The following ARHGAP25 variants were observed in gnomAD, a reference collection of about 807,000 sequenced individuals.
The protein encoded by ARHGAP25 is rho GTPase-activating protein 25.
ARHGAP25 carries 34 observed loss-of-function variants against 71.0 expected under a neutral mutation model. The ratio of observed to expected loss-of-function variants is 0.48; its 90% confidence interval spans 0.36 to 0.64. ARHGAP25 has a LOEUF of 0.64. Ranked by LOEUF, ARHGAP25 falls within the 30% of genes least tolerant of loss-of-function variation. The pLI, the probability that ARHGAP25 is intolerant of heterozygous loss-of-function variation, is 0.00. For missense variants in ARHGAP25, 706 were observed against 805.1 expected, an observed-to-expected ratio of 0.88 and a Z score of 1.49; for synonymous variants, 282 against 296.5, an observed-to-expected ratio of 0.95 and a Z score of 0.50.
At chr2:68,812,764 A>G (rs1196981950) in intron 5 of ARHGAP25, among the ~76,000 whole-genome samples, 1 of 152,194 alleles carries the variant, frequency 6.6e-6, no homozygotes, top group Non-Finnish European at 1.5e-5. Flanking sequence ...CTGAAATCCC[A>G]GTGCTTGACA....
At chr2:68,797,150 G>A (rs903048984) in intron 4 of ARHGAP25, among the ~76,000 whole-genome samples, 1 of 152,180 alleles carries the variant, frequency 6.6e-6, no homozygotes, top group African/African-American at 2.4e-5. Context: ...GCAAAGTTGG[G>A]CAGAGCTGGA....
intron 5 of ARHGAP25, among the ~76,000 whole-genome samples, chr2:68,810,237 A>T (rs1680686546): frequency 1.3e-5 from 2 of 152,218 alleles, no homozygotes; most frequent in South Asian, 4.1e-4. Context: ...TAGACATCTG[A>T]GTTAGCCCTA....
Position 68,734,835 on chromosome 2 carries a change from A to G in ARHGAP25, c.-365A>G. On this transcript the variant is annotated 5_prime_UTR_variant, in exon 1 of 11. Coordinates refer to ENST00000409202, the MANE Select transcript of ARHGAP25 (RefSeq NM_001007231.3). ...CAGTTGTTTATCACGACCTCAACTCAGTAAGGCCTGAGATTCTTTCGAAAA... is the reference window on the plus strand; with the variant it reads ...CAGTTGTTTATCACGACCTCAACTCGGTAAGGCCTGAGATTCTTTCGAAAA... 3.4e-6 allele frequency: 1 copy of G among 290,016 alleles called. No individual in the cohort carries two copies. The highest frequency in any genetic ancestry group is 6.5e-6 in the Non-Finnish European group (1 of 153,454). 18.0% of individuals were successfully genotyped at this position (290,016 alleles called of 1,614,324 possible).
At chr2:68,819,502 C>T in intron 9 of ARHGAP25, 183 bp downstream of exon 9, 1 of 727,004 alleles carries the variant, frequency 1.4e-6, no homozygotes, top group Non-Finnish European at 2.5e-6. Flanking sequence ...AATCTAGTTT[C>T]TATTGGCATC....
chr2:68,731,328 C>T (rs1378544889), upstream of ARHGAP25, among the ~76,000 whole-genome samples: 1 of 152,108 alleles, frequency 6.6e-6, no homozygotes, highest in Admixed American at 6.5e-5. Flanking sequence ...TTGGGTGCCT[C>T]TTTTTTCTGC....
chr2:68,755,514 C>T (rs1217219032), intron 1 of ARHGAP25, among the ~76,000 whole-genome samples: 1 of 152,164 alleles, frequency 6.6e-6, no homozygotes, highest in African/African-American at 2.4e-5. Flanking sequence ...CCCGCCAATC[C>T]ATCAATCCCA....
intron 4 of ARHGAP25, among the ~76,000 whole-genome samples, chr2:68,805,697 C>T (rs1038601066): frequency 6.6e-6 from 1 of 151,886 alleles, no homozygotes; most frequent in Non-Finnish European, 1.5e-5. Context: ...TGGGTAGGAG[C>T]GGAAAAGAAC....
At chr2:68,715,632 T>A (rs897511866) in intron 2 of ARHGAP25, among the ~76,000 whole-genome samples, 3 of 152,152 alleles carry the variant, frequency 2.0e-5, no homozygotes, top group African/African-American at 4.8e-5. Flanking sequence ...GTGGACACAC[T>A]GAGTGGAGGA....
At chr2:68,802,626 T>A (rs993793747) in intron 4 of ARHGAP25, among the ~76,000 whole-genome samples, 6 of 151,456 alleles carry the variant, frequency 4.0e-5, no homozygotes, top group Non-Finnish European at 8.8e-5. Context: ...AAGCAGTGAT[T>A]TAGGGATGGG....
At chr2:68,722,108 C>T (rs371598734) in intron 2 of ARHGAP25, among the ~76,000 whole-genome samples, 1 of 152,330 alleles carries the variant, frequency 6.6e-6, no homozygotes, top group South Asian at 2.1e-4. Flanking sequence ...GAGTGACCCT[C>T]CCCAGCTGGC....
chr2:68,822,689 C>A lies in ARHGAP25; in HGVS notation c.1550C>A (p.Ala517Asp), dbSNP rs764830097. ...PSLPGSPGEE[A>D]SALSSQACDS... Reference sequence around the variant, plus strand: ...CTGCCAGGGTCCCCTGGGGAGGAAGCCAGTGCACTCTCTTCCCAAGCCTGT... The same window carrying A: ...CTGCCAGGGTCCCCTGGGGAGGAAGACAGTGCACTCTCTTCCCAAGCCTGT... The change falls in exon 10 of 11, where the codon GCC (alanine) becomes GAC (aspartate). Residue 517 changes from alanine (A) to aspartate (D), a missense_variant. Transcript: ENST00000409202. 7 of 1,614,146 alleles carry A rather than the reference C, an allele frequency of 4.3e-6. No individual in the cohort carries two copies. The highest frequency in any genetic ancestry group is 1.6e-4 in the Middle Eastern group (1 of 6,062).
At chr2:68,811,470 C>G (rs1414689600) in intron 5 of ARHGAP25, among the ~76,000 whole-genome samples, 1 of 152,174 alleles carries the variant, frequency 6.6e-6, no homozygotes, top group Non-Finnish European at 1.5e-5. Context: ...TTTTTCTAGC[C>G]TGGCTTTGCC....
intron 2 of ARHGAP25, among the ~76,000 whole-genome samples, chr2:68,721,516 G>C (rs1674761046): frequency 6.6e-6 from 1 of 152,218 alleles, no homozygotes. Context: ...TGTTATCTTT[G>C]CCAGTGTGTG....
chr2:68,743,350 G>T (rs1209602572), intron 1 of ARHGAP25, among the ~76,000 whole-genome samples: 1 of 55,214 alleles, frequency 1.8e-5, no homozygotes, highest in East Asian at 4.4e-4. Context: ...AGCAATGGCA[G>T]AGCAGTTTTT....
At chr2:68,823,346 G>A (rs543340440) in intron 10 of ARHGAP25, among the ~76,000 whole-genome samples, 1 of 152,278 alleles carries the variant, frequency 6.6e-6, no homozygotes, top group African/African-American at 2.4e-5. Context: ...TAAAATATAT[G>A]TTATGTCAGC....
chr2:68,736,023 A>C (rs1371741195), intron 1 of ARHGAP25, among the ~76,000 whole-genome samples: 1 of 152,228 alleles, frequency 6.6e-6, no homozygotes, highest in Non-Finnish European at 1.5e-5. Flanking sequence ...ACATCAGAGC[A>C]ATCGGGCTGA....
At chr2:68,809,840 G>C (rs1021357417) in intron 5 of ARHGAP25, among the ~76,000 whole-genome samples, 1 of 152,194 alleles carries the variant, frequency 6.6e-6, no homozygotes, top group African/African-American at 2.4e-5. Flanking sequence ...CAAAGTTGCT[G>C]TTTGGTGAGA....
intron 1 of ARHGAP25, among the ~76,000 whole-genome samples, chr2:68,740,113 G>A (rs12990279): frequency 0.05 from 7,612 of 152,214 alleles, 266 homozygotes; most frequent in Middle Eastern, 0.088. Context: ...GCAGAGACAA[G>A]GAAACAACTG....
At chr2:68,737,850 A>G (rs1010668828) in intron 1 of ARHGAP25, among the ~76,000 whole-genome samples, 5 of 152,106 alleles carry the variant, frequency 3.3e-5, no homozygotes, top group African/African-American at 1.2e-4. Flanking sequence ...CTATGCTTCC[A>G]GTTTCCCCAG....
Sources: gnomAD v4.1 joint callset for allele counts (sites outside exome capture counted in the v4.1 genomes callset) on GRCh38, gnomAD v4.1.1 for gene constraint, MANE v1.5 for transcripts, NCBI Gene and HGNC (gene_info 2026-07-23, HGNC 2026-07-21) for gene names.